FGF7: variants seen among roughly 807,000 people sequenced by gnomAD.
FGF7 encodes fibroblast growth factor 7, also known as FGF-7.
A neutral mutation model predicts 20.5 loss-of-function variants in FGF7; 6 were observed. That is an observed-to-expected ratio of 0.29 (90% CI 0.16 to 0.58). The LOEUF is 0.58. Among genes scored for constraint, FGF7 ranks in the 20% least tolerant of loss-of-function variants. The pLI is 0.90. For missense variants in FGF7, 144 were observed against 228.8 expected (o/e 0.63, Z 2.39); for synonymous variants, 64 against 74.7 (o/e 0.86, Z 0.74).
chr15:49,432,584 G>C (rs2050714896), intron 2 of FGF7, among the ~76,000 whole-genome samples: 1 of 151,510 alleles, frequency 6.6e-6, no homozygotes. Context: ...ATTGTCTAAG[G>C]ATCTATCTTT....
At chr15:49,440,893 A>C (rs1415333121) in intron 2 of FGF7, among the ~76,000 whole-genome samples, 4 of 151,748 alleles carry the variant, frequency 2.6e-5, no homozygotes, top group African/African-American at 7.3e-5. Context: ...TTAACATTTT[A>C]AGTTTTCTAT....
chr15:49,442,021 T>A (rs541695555), intron 2 of FGF7, among the ~76,000 whole-genome samples: 1 of 151,756 alleles, frequency 6.6e-6, no homozygotes, highest in African/African-American at 2.4e-5. Context: ...AAAAGATCCA[T>A]TATAGTGTCC....
At chr15:49,467,428 G>A (rs1289152669) in intron 2 of FGF7, among the ~76,000 whole-genome samples, 1 of 151,856 alleles carries the variant, frequency 6.6e-6, no homozygotes, top group Non-Finnish European at 1.5e-5. Context: ...CTCCTCCCTG[G>A]TACATTTGTA....
intron 2 of FGF7, among the ~76,000 whole-genome samples, chr15:49,456,593 C>G (rs2053317125): frequency 6.6e-6 from 1 of 152,124 alleles, no homozygotes; most frequent in East Asian, 1.9e-4. Flanking sequence ...CCTTTCTCTT[C>G]TCAAGGAATA....
At chr15:49,452,025 A>G (rs2052797529) in intron 2 of FGF7, among the ~76,000 whole-genome samples, 1 of 152,082 alleles carries the variant, frequency 6.6e-6, no homozygotes, top group Non-Finnish European at 1.5e-5. Context: ...ATAGATTCAA[A>G]ATTTGATTCA....
At position 49,487,564 on chromosome 15, in the gene FGF7, T is replaced by C. The variant is rs1217290607; in HGVS notation, c.*3060T>C. On this transcript the variant is annotated 3_prime_UTR_variant, in exon 4 of 4. Coordinates refer to ENST00000267843, the MANE Select transcript of FGF7 (RefSeq NM_002009.4). ...CATAGAGTTTGCTCTTCTGGTTCTC[T>C]AGACTGCCAAAGAACATAAAGATGT... The C allele has an allele frequency of 1.3e-5, 2 of 151,894 alleles. No homozygotes were observed. Among genetic ancestry groups the C allele is most frequent in the Admixed American group, 6.6e-5 (1 of 15,220 alleles). 9.4% of individuals were successfully genotyped at this position (151,894 alleles called of 1,614,324 possible). A position where few individuals can be genotyped will look rare whatever the true frequency, so the allele number is the denominator to read the frequency against.
rs1050564129 is a variant in FGF7, at chr15:49,439,534, G to C, written c.286+14951G>C. On this transcript the variant is annotated intron_variant, in intron 2 of 3. Transcript: ENST00000267843. ...ACCATGCATGGTTTTTGCATCTGAA[G>C]AATTTTTAGTCAAGTTGAAATTCTA... 2.0e-5 allele frequency among the ~76,000 whole-genome samples: 3 copies of C among 151,788 alleles called. No homozygotes were observed. The East Asian group carries it at 5.9e-4, about 30-fold the overall frequency.
chr15:49,475,291 A>G lies in FGF7; in HGVS notation c.287-7860A>G, dbSNP rs140494508. Among the ~76,000 whole-genome samples the G allele has an allele frequency of 2.5e-3, 381 of 152,340 alleles. 2 individuals are homozygous for G. The highest frequency in any genetic ancestry group is 8.8e-3 in the African/African-American group (367 of 41,572). ...TCATGAGTTTGAAGAGAGAACGCCA[A>G]TAAAGAGATTAGAAGTTAGGATGCA... On this transcript the variant is annotated intron_variant, in intron 2 of 3. Coordinates refer to ENST00000267843, the MANE Select transcript of FGF7 (RefSeq NM_002009.4).
chr15:49,447,147 A>C (rs12595497), intron 2 of FGF7, among the ~76,000 whole-genome samples: 3,542 of 151,780 alleles, frequency 0.023, 87 homozygotes, highest in South Asian at 0.13. Flanking sequence ...GCTTTCAAAA[A>C]GTATTTCTTG....
rs2056262361 is a variant in FGF7, at chr15:49,484,721, A to T, written c.*217A>T. 2.7e-6 allele frequency: 1 copy of T among 375,386 alleles called. No individual in the cohort carries two copies. Among genetic ancestry groups the T allele is most frequent in the Non-Finnish European group, 4.7e-6 (1 of 211,572 alleles). 23.3% of individuals were successfully genotyped at this position (375,386 alleles called of 1,614,324 possible). On this transcript the variant is annotated 3_prime_UTR_variant, in exon 4 of 4. Transcript: ENST00000267843. ...AAAAGTATACACAAAAATCAGATTT[A>T]GTAACTAAAGGTTGTAAAAAATTGT...
intron 2 of FGF7, among the ~76,000 whole-genome samples, chr15:49,472,845 C>G (rs138067509): frequency 0.017 from 2,548 of 152,240 alleles, 34 homozygotes; most frequent in Middle Eastern, 0.037. Flanking sequence ...CATGACATTA[C>G]AGATGAAGAC....
intron 2 of FGF7, among the ~76,000 whole-genome samples, chr15:49,453,023 A>G (rs1309742537): frequency 3.3e-5 from 5 of 152,154 alleles, no homozygotes; most frequent in African/African-American, 1.2e-4. Context: ...TACTGCTAAT[A>G]TAATAATCAC....
intron 2 of FGF7, among the ~76,000 whole-genome samples, chr15:49,439,773 C>T (rs917105923): frequency 1.6e-4 from 25 of 151,736 alleles, no homozygotes; most frequent in African/African-American, 4.8e-4. Context: ...TACCCCACTT[C>T]GTAGCATTGA....
At chr15:49,482,504 T>C (rs1436230419) in intron 2 of FGF7, among the ~76,000 whole-genome samples, 1 of 152,112 alleles carries the variant, frequency 6.6e-6, no homozygotes, top group Admixed American at 6.5e-5. Flanking sequence ...CTGTTTACCA[T>C]CATTTACACT....
chr15:49,471,534 T>TAA (rs1434567116), intron 2 of FGF7, among the ~76,000 whole-genome samples: 16 of 139,882 alleles, frequency 1.1e-4, no homozygotes, highest in East Asian at 1.1e-3. Context: ...AATAATAATA[T>TAA]GGCAAATGTA....
At chr15:49,479,894 G>A (rs1470722134) in intron 2 of FGF7, among the ~76,000 whole-genome samples, 4 of 152,150 alleles carry the variant, frequency 2.6e-5, no homozygotes, top group African/African-American at 7.2e-5. Context: ...GATTACAGGC[G>A]TGAGCCACTG....
intron 2 of FGF7, among the ~76,000 whole-genome samples, chr15:49,455,027 A>G (rs1383090794): frequency 6.6e-6 from 1 of 152,172 alleles, no homozygotes; most frequent in Non-Finnish European, 1.5e-5. Context: ...AAACAGCAGT[A>G]TGATTTAAAG....
intron 2 of FGF7, 60 bp from the exon 3 acceptor site, chr15:49,483,091 T>A: frequency 1.1e-6 from 1 of 912,084 alleles, no homozygotes; most frequent in Non-Finnish European, 1.8e-6. Context: ...AAATGGCCAT[T>A]CGTGGATCAT....
intron 2 of FGF7, among the ~76,000 whole-genome samples, chr15:49,432,570 A>G (rs1345640066): frequency 6.6e-6 from 1 of 151,604 alleles, no homozygotes; most frequent in Non-Finnish European, 1.5e-5. Context: ...TCAACTTGAG[A>G]GCTATTGTCT....
Sources: allele counts gnomAD v4.1 joint callset (sites outside exome capture counted in the v4.1 genomes callset), GRCh38; gene constraint gnomAD v4.1.1; transcripts MANE v1.5; gene names NCBI Gene and HGNC (gene_info 2026-07-23, HGNC 2026-07-21).